THAP11: variants seen among roughly 807,000 people sequenced by gnomAD.
THAP11 encodes the protein THAP domain containing 11, also known as THAP domain-containing protein 11.
Under a neutral mutation model 24.1 loss-of-function variants are expected in THAP11, and 8 were observed. That is an observed-to-expected ratio of 0.33 (90% CI 0.20 to 0.60). THAP11 has a LOEUF of 0.60. THAP11 is among the 20% of genes least tolerant of loss of function. The pLI is 0.82. For missense variants in THAP11, 276 were observed against 418.4 expected, an observed-to-expected ratio of 0.66 and a Z score of 2.97; for synonymous variants, 222 against 180.2, an observed-to-expected ratio of 1.23 and a Z score of -1.86.
At position 67,843,209 on chromosome 16, in the gene THAP11, G is replaced by A. The variant is rs766427241; in HGVS notation, c.655G>A (p.Glu219Lys). ...SELQAATAGL[E>K]AAECPMGPQL... The stretch of plus-strand genomic sequence containing the variant: ...GTTACAGGCTGCTACCGCAGGGCTG[G>A]AGGCTGCCGAGTGCCCTATGGGCCC... Residue 219 changes from glutamate to lysine, a missense_variant, in exon 1 of 1, where the codon GAG becomes AAG. Physicochemically the swap from Glu to Lys is moderately conservative, Grantham distance 56. This residue lies in a region of THAP11 where 210 missense variants were observed against 203.4 expected (regional missense o/e 1.03). Transcript: ENST00000303596. The surrounding 1 kb of genome is among the most constrained non-coding windows in gnomAD (Gnocchi z 5.7). 6.0e-5 allele frequency: 97 copies of A among 1,611,652 alleles called. No individual in the cohort carries two copies. Among genetic ancestry groups the A allele is most frequent in the Non-Finnish European group, 7.6e-5 (90 of 1,179,714 alleles).
At position 67,844,181 on chromosome 16, in the gene THAP11, AAAGT is replaced by A. The variant is rs1357088619; in HGVS notation, c.*686_*689del. 9.0e-5 allele frequency: 15 copies of A among 166,838 alleles called. No homozygotes were observed. The highest frequency in any genetic ancestry group is 3.4e-3 in the Middle Eastern group (1 of 296). The allele number at this position is 166,838 out of a possible 1,614,324, so 10.3% of individuals were successfully genotyped here. A position where few individuals can be genotyped will look rare whatever the true frequency, so the allele number is the denominator to read the frequency against. ...TTGTTTGGCAAAACAAATTAAACAA[AAAGT>A]AAGGTTTTTATTTGGGTCTCGCCAT... is the stretch of plus-strand genomic sequence containing the variant. On this transcript the variant is annotated 3_prime_UTR_variant, in exon 1 of 1. Transcript: ENST00000303596.
At position 67,843,952 on chromosome 16, in the gene THAP11, A is replaced by T. The variant is rs898130210; in HGVS notation, c.*453A>T. 6 of 169,860 alleles carry T rather than the reference A, an allele frequency of 3.5e-5. No homozygotes were observed. The highest frequency in any genetic ancestry group is 1.3e-4 in the Admixed American group (2 of 15,664). 10.5% of individuals were successfully genotyped at this position (169,860 alleles called of 1,614,324 possible). A position where few individuals can be genotyped will look rare whatever the true frequency, so the allele number is the denominator to read the frequency against. On this transcript the variant is annotated 3_prime_UTR_variant, in exon 1 of 1. Transcript: ENST00000303596. The surrounding 1 kb of genome is among the most constrained non-coding windows in gnomAD (Gnocchi z 5.7). ...TTTCATGCTTTTCCTTCCCAGGTGC[A>T]GCCTGTGATTCTGATGGGGACTGGT...
In THAP11 at chr16:67,843,475, C is replaced by T. The variant is rs369756211; in HGVS notation, c.921C>T (p.Val307=). 259 of 1,611,844 alleles carry T rather than the reference C, an allele frequency of 1.6e-4. No individual in the cohort carries two copies. In the Middle Eastern group the frequency reaches 2.1e-3, roughly 13 times the overall value. ...REKDRLLAMA[V]IRKKHGM is the part of the protein sequence containing the mutation. Reference sequence around the variant, plus strand: ...AGGATCGGCTGCTTGCCATGGCTGTCATCCGCAAGAAGCACGGAATGTGAA... The same window carrying T: ...AGGATCGGCTGCTTGCCATGGCTGTTATCCGCAAGAAGCACGGAATGTGAA... The change falls in exon 1 of 1, where the codon GTC becomes GTT. Residue 307 remains valine, a synonymous_variant. Transcript: ENST00000303596. This position sits in a 1 kb window ranked among gnomAD's most constrained non-coding sequence, Gnocchi z 5.7.
rs1175427224 is a variant in THAP11, at chr16:67,843,362, C to G, written c.808C>G (p.Leu270Val). ...GAATGAGCAGCGGGACATCCTGGCT[C>G]TGATGGAAGTGAAGATGAAAGAGAT... is the stretch of plus-strand genomic sequence containing the variant. ...KLNEQRDILA[L>V]MEVKMKEMKG... Residue 270 changes from leucine (L) to valine (V), a missense_variant, in exon 1 of 1, where the codon CTG becomes GTG. Transcript: ENST00000303596. This position sits in a 1 kb window ranked among gnomAD's most constrained non-coding sequence, Gnocchi z 5.7. 11 of 1,614,012 alleles carry G rather than the reference C, an allele frequency of 6.8e-6. No homozygotes were observed. The highest frequency in any genetic ancestry group is 3.3e-5 in the Admixed American group (2 of 60,022).
chr16:67,842,949 A>C lies in THAP11; in HGVS notation c.395A>C (p.Gln132Pro), dbSNP rs764025720. ...CAGCAGCAGCAGCAGCAGCAGCAGC[A>C]GTCCTCACCCTCTGCCTCCACTGCC... The part of the protein sequence containing the change: ...QQQQQQQQQQ[Q>P]SSPSASTAQT... Residue 132 changes from glutamine to proline, a missense_variant, in exon 1 of 1, where the codon CAG (glutamine) becomes CCG (proline). Around this residue, in one of 3 missense-constraint regions of THAP11, gnomAD observed 210 missense variants for 203.4 expected, o/e 1.03. Transcript: ENST00000303596. The surrounding 1 kb of genome is among the most constrained non-coding windows in gnomAD (Gnocchi z 4.9). 139 of 1,607,670 alleles carry C rather than the reference A, an allele frequency of 8.6e-5. No individual in the cohort carries two copies. Among genetic ancestry groups the C allele is most frequent in the Non-Finnish European group, 1.1e-4 (135 of 1,178,960 alleles).
Position 67,843,023 on chromosome 16 carries a change from C to A in THAP11, c.469C>A (p.Leu157Ile). The A allele has an allele frequency of 1.2e-6, 2 of 1,612,576 alleles. No individual in the cohort carries two copies. The highest frequency in any genetic ancestry group is 1.1e-5 in the South Asian group (1 of 91,088). ...PNLVSASAAV[L>I]LTLQATVDSS... The stretch of plus-strand genomic sequence containing the variant: ...CCTGGTATCTGCTTCCGCGGCCGTG[C>A]TTCTCACCCTTCAGGCCACTGTAGA... The change falls in exon 1 of 1, where the codon CTT becomes ATT. Residue 157 changes from leucine (L) to isoleucine (I), a missense_variant. Leu to Ile is a conservative substitution (Grantham distance 5). This residue lies in a region of THAP11 where 210 missense variants were observed against 203.4 expected (regional missense o/e 1.03). Transcript: ENST00000303596. The surrounding 1 kb of genome is among the most constrained non-coding windows in gnomAD (Gnocchi z 5.7).
At position 67,843,066 on chromosome 16, in the gene THAP11, G is replaced by C; in HGVS notation, c.512G>C (p.Gly171Ala). 1 of 1,611,820 alleles carries C rather than the reference G, an allele frequency of 6.2e-7. No individual in the cohort carries two copies. The highest frequency in any genetic ancestry group is 1.1e-5 in the South Asian group (1 of 91,092). Residue 171 changes from glycine to alanine, a missense_variant, in exon 1 of 1, where the codon GGA (glycine) becomes GCA (alanine). This residue lies in a region of THAP11 where 210 missense variants were observed against 203.4 expected (regional missense o/e 1.03). Transcript: ENST00000303596. This position sits in a 1 kb window ranked among gnomAD's most constrained non-coding sequence, Gnocchi z 5.7. The part of the protein sequence containing the change: ...QATVDSSQAP[G>A]SVQPAPITPT... ...ACTGTAGACAGCAGTCAGGCTCCGGGATCCGTACAGCCGGCGCCCATCACT... is the reference window on the plus strand; with the variant it reads ...ACTGTAGACAGCAGTCAGGCTCCGGCATCCGTACAGCCGGCGCCCATCACT...
chr16:67,842,433 G>A lies in THAP11; in HGVS notation c.-122G>A, dbSNP rs2057768195. The A allele has an allele frequency of 2.3e-5, 15 of 663,220 alleles. No individual in the cohort carries two copies. The highest frequency in any genetic ancestry group is 2.5e-5 in the Non-Finnish European group (12 of 484,046). 41.1% of individuals were successfully genotyped at this position (663,220 alleles called of 1,614,324 possible). On this transcript the variant is annotated 5_prime_UTR_variant, in exon 1 of 1. Coordinates refer to ENST00000303596, the MANE Select transcript of THAP11 (RefSeq NM_020457.3). This position sits in a 1 kb window ranked among gnomAD's most constrained non-coding sequence, Gnocchi z 4.9. The stretch of plus-strand genomic sequence containing the variant: ...CGGGCCGGCTGCGCCGAGCGGCAGT[G>A]GTGGGATACCACCCAAGGCCTCGCG...
Position 67,843,602 on chromosome 16 carries a change from C to T in THAP11, c.*103C>T, listed in dbSNP as rs1030580190. 34 of 1,231,102 alleles carry T rather than the reference C, an allele frequency of 2.8e-5. No homozygotes were observed. Among genetic ancestry groups the T allele is most frequent in the Non-Finnish European group, 3.7e-5 (33 of 892,266 alleles). 76.3% of individuals were successfully genotyped at this position (1,231,102 alleles called of 1,614,324 possible). A position where few individuals can be genotyped will look rare whatever the true frequency, so the allele number is the denominator to read the frequency against. ...TACTCCTGGGCACTGGTTGACAGTA[C>T]TGAGGCTTAAGGCAGCTGGACTCTC... On this transcript the variant is annotated 3_prime_UTR_variant, in exon 1 of 1. Coordinates refer to ENST00000303596, the MANE Select transcript of THAP11 (RefSeq NM_020457.3). The surrounding 1 kb of genome is among the most constrained non-coding windows in gnomAD (Gnocchi z 5.7).
In THAP11 at chr16:67,842,534, G is replaced by T. The variant is rs2057769234; in HGVS notation, c.-21G>T. The stretch of plus-strand genomic sequence containing the variant: ...AGAGCGCAGGAGGCCGGTGGGCCGG[G>T]CCGGGCCGCGCGGCGCAGCCATGCC... On this transcript the variant is annotated 5_prime_UTR_variant, in exon 1 of 1. Coordinates refer to ENST00000303596, the MANE Select transcript of THAP11 (RefSeq NM_020457.3). This position sits in a 1 kb window ranked among gnomAD's most constrained non-coding sequence, Gnocchi z 4.9. 2 of 1,490,190 alleles carry T rather than the reference G, an allele frequency of 1.3e-6. No individual in the cohort carries two copies. The highest frequency in any genetic ancestry group is 1.8e-6 in the Non-Finnish European group (2 of 1,117,348). 92.3% of individuals were successfully genotyped at this position (1,490,190 alleles called of 1,614,324 possible).
chr16:67,843,551 C>T lies in THAP11; in HGVS notation c.*52C>T. ...TCCCAGACCCCATCCAGCCAGGGGACCGCAGGCCATTGTTGAACTCCTCTA... is the reference window on the plus strand; with the variant it reads ...TCCCAGACCCCATCCAGCCAGGGGATCGCAGGCCATTGTTGAACTCCTCTA... On this transcript the variant is annotated 3_prime_UTR_variant, in exon 1 of 1. Transcript: ENST00000303596. The surrounding 1 kb of genome is among the most constrained non-coding windows in gnomAD (Gnocchi z 5.7). 1 of 1,557,084 alleles carries T rather than the reference C, an allele frequency of 6.4e-7. No individual in the cohort carries two copies. Among genetic ancestry groups the T allele is most frequent in the Non-Finnish European group, 8.7e-7 (1 of 1,149,246 alleles).
rs2057777568 is a variant in THAP11, at chr16:67,843,218, G to C, written c.664G>C (p.Glu222Gln). The C allele has an allele frequency of 2.5e-6, 4 of 1,611,766 alleles. No individual in the cohort carries two copies. The highest frequency in any genetic ancestry group is 1.7e-5 in the Admixed American group (1 of 59,962). The change falls in exon 1 of 1, where the codon GAG becomes CAG. Residue 222 changes from glutamate (E) to glutamine (Q), a missense_variant. By Grantham distance (29) the Glu-to-Gln change is conservative. Coordinates refer to ENST00000303596, the MANE Select transcript of THAP11 (RefSeq NM_020457.3). This position sits in a 1 kb window ranked among gnomAD's most constrained non-coding sequence, Gnocchi z 5.7. ...QAATAGLEAA[E>Q]CPMGPQLVVV... ...TGCTACCGCAGGGCTGGAGGCTGCC[G>C]AGTGCCCTATGGGCCCCCAGTTGGT...
chr16:67,843,729 T>G lies in THAP11; in HGVS notation c.*230T>G. The G allele has an allele frequency of 2.0e-6, 1 of 492,326 alleles. No individual in the cohort carries two copies. The highest frequency in any genetic ancestry group is 3.7e-6 in the Non-Finnish European group (1 of 269,778). The allele number at this position is 492,326 out of a possible 1,614,324, so 30.5% of individuals were successfully genotyped here. A position where few individuals can be genotyped will look rare whatever the true frequency, so the allele number is the denominator to read the frequency against. On this transcript the variant is annotated 3_prime_UTR_variant, in exon 1 of 1. Transcript: ENST00000303596. The surrounding 1 kb of genome is among the most constrained non-coding windows in gnomAD (Gnocchi z 5.7). ...CAGCAATTATGACTTTGTCTACCCTTCCTCCCCAGTTATTGTTGCAGATTC... is the reference window on the plus strand; with the variant it reads ...CAGCAATTATGACTTTGTCTACCCTGCCTCCCCAGTTATTGTTGCAGATTC...
chr16:67,842,752 G>A lies in THAP11; in HGVS notation c.198G>A (p.Gln66=), dbSNP rs1171048788. ...ACCGTCTCTGCAGCGTTCACTTCCAGGGCGGCCGCAAGACCTACACGGTAC... is the reference window on the plus strand; with the variant it reads ...ACCGTCTCTGCAGCGTTCACTTCCAAGGCGGCCGCAAGACCTACACGGTAC... ...TGHRLCSVHF[Q]GGRKTYTVRV... The change falls in exon 1 of 1, where the codon CAG becomes CAA. Residue 66 remains glutamine (Q), a synonymous_variant. Transcript: ENST00000303596. The surrounding 1 kb of genome is among the most constrained non-coding windows in gnomAD (Gnocchi z 4.9). 1 of 1,609,526 alleles carries A rather than the reference G, an allele frequency of 6.2e-7. No individual in the cohort carries two copies. The highest frequency in any genetic ancestry group is 8.5e-7 in the Non-Finnish European group (1 of 1,178,136).
rs377516180 is a variant in THAP11 at position 67,842,920 on chromosome 16, ACAGCAG to A, written c.391_396del (p.Gln131_Gln132del). 1,063 of 1,552,454 alleles carry A rather than the reference ACAGCAG, an allele frequency of 6.8e-4. No individual in the cohort carries two copies. Among genetic ancestry groups the A allele is most frequent in the Middle Eastern group, 1.7e-3 (10 of 5,764 alleles). ...AGCAGCAACAGCAGCAGCAGCAGCA[ACAGCAG>A]CAGCAGCAGCAGCAGCAGCAGCAGT... On this transcript the variant is annotated inframe_deletion, in exon 1 of 1. Transcript: ENST00000303596. The surrounding 1 kb of genome is among the most constrained non-coding windows in gnomAD (Gnocchi z 4.9).
Position 67,843,468 on chromosome 16 carries a change from T to G in THAP11, c.914T>G (p.Met305Arg). The G allele has an allele frequency of 6.2e-7, 1 of 1,612,982 alleles. No individual in the cohort carries two copies. The highest frequency in any genetic ancestry group is 1.1e-5 in the South Asian group (1 of 91,016). ...CGTGAGAAGGATCGGCTGCTTGCCA[T>G]GGCTGTCATCCGCAAGAAGCACGGA... ...ELREKDRLLA[M>R]AVIRKKHGM Residue 305 changes from methionine (M) to arginine (R), a missense_variant, in exon 1 of 1, where the codon ATG (methionine) becomes AGG (arginine). Physicochemically the swap from Met to Arg is moderately conservative, Grantham distance 91. Transcript: ENST00000303596. This position sits in a 1 kb window ranked among gnomAD's most constrained non-coding sequence, Gnocchi z 5.7.
rs1389950947 is a variant in THAP11 at position 67,842,695 on chromosome 16, G to A, written c.141G>A (p.Gly47=). 1 of 1,594,658 alleles carries A rather than the reference G, an allele frequency of 6.3e-7. No homozygotes were observed. The highest frequency in any genetic ancestry group is 1.1e-5 in the South Asian group (1 of 88,924). The change falls in exon 1 of 1, where the codon GGG becomes GGA. Residue 47 remains glycine, a synonymous_variant. Transcript: ENST00000303596. The surrounding 1 kb of genome is among the most constrained non-coding windows in gnomAD (Gnocchi z 4.9). ...ACGTGTCGCGTGCCGGCGTCAGTGGGTGCTTCTCCACCTTCCAGCCCACCA... is the reference window on the plus strand; with the variant it reads ...ACGTGTCGCGTGCCGGCGTCAGTGGATGCTTCTCCACCTTCCAGCCCACCA... ...LKNVSRAGVS[G]CFSTFQPTTG...
Position 67,843,407 on chromosome 16 carries a change from C to A in THAP11, c.853C>A (p.Leu285Met). Residue 285 changes from leucine (L) to methionine (M), a missense_variant, in exon 1 of 1, where the codon CTG (leucine) becomes ATG (methionine). Transcript: ENST00000303596. The surrounding 1 kb of genome is among the most constrained non-coding windows in gnomAD (Gnocchi z 5.7). The part of the protein sequence containing the change: ...MKEMKGSIRH[L>M]RLTEAKLREE... ...AGAGATGAAAGGCAGCATTCGCCACCTGCGTCTCACTGAGGCCAAGCTGCG... is the reference window on the plus strand; with the variant it reads ...AGAGATGAAAGGCAGCATTCGCCACATGCGTCTCACTGAGGCCAAGCTGCG... 1 of 1,614,102 alleles carries A rather than the reference C, an allele frequency of 6.2e-7. No individual in the cohort carries two copies. The highest frequency in any genetic ancestry group is 8.5e-7 in the Non-Finnish European group (1 of 1,180,046).
At position 67,843,624 on chromosome 16, in the gene THAP11, T is replaced by A. The variant is rs1359249222; in HGVS notation, c.*125T>A. ...GTACTGAGGCTTAAGGCAGCTGGAC[T>A]CTCTTGCTGGTGACCTGGCATCCTC... On this transcript the variant is annotated 3_prime_UTR_variant, in exon 1 of 1. Coordinates refer to ENST00000303596, the MANE Select transcript of THAP11 (RefSeq NM_020457.3). This position sits in a 1 kb window ranked among gnomAD's most constrained non-coding sequence, Gnocchi z 5.7. The A allele has an allele frequency of 2.0e-6, 2 of 987,814 alleles. No individual in the cohort carries two copies. The highest frequency in any genetic ancestry group is 3.3e-5 in the African/African-American group (2 of 60,646). The allele number at this position is 987,814 out of a possible 1,614,324, so 61.2% of individuals were successfully genotyped here. A position where few individuals can be genotyped will look rare whatever the true frequency, so the allele number is the denominator to read the frequency against.
Sources: gnomAD v4.1 joint callset for allele counts on GRCh38, gnomAD v4.1.1 for gene constraint, gnomAD v4.1.1 regional missense constraint, Gnocchi (gnomAD v3.1) non-coding constraint, MANE v1.5 for transcripts, NCBI Gene and HGNC (gene_info 2026-07-23, HGNC 2026-07-21) for gene names.